Variants in PPP2R2D observed in about 807,000 individuals in gnomAD.
PPP2R2D encodes the protein serine/threonine-protein phosphatase 2A 55 kDa regulatory subunit B delta isoform.
In PPP2R2D, 9 loss-of-function variants were observed where a neutral mutation model predicts 31.1. The ratio of observed to expected loss-of-function variants is 0.29; its 90% CI spans 0.17 to 0.51. The LOEUF (loss-of-function observed/expected upper bound fraction) is 0.51. PPP2R2D is among the 20% of genes least tolerant of loss of function. The pLI, the probability that PPP2R2D is intolerant of heterozygous loss-of-function variation, is 0.98. For missense variants in PPP2R2D, 391 were observed against 465.6 expected (o/e 0.84, Z 1.48); for synonymous variants, 179 against 172.6 (o/e 1.04, Z -0.29).
intron 2 of PPP2R2D, among the ~76,000 whole-genome samples, chr10:131,933,040 A>G (rs2036271270): frequency 6.6e-6 from 1 of 152,226 alleles, no homozygotes; most frequent in Non-Finnish European, 1.5e-5. Context: ...TTTTAATCCA[A>G]TACATAATAT....
At chr10:131,904,219 AGG>A (rs1243570632) in intron 2 of PPP2R2D, among the ~76,000 whole-genome samples, 8 of 137,860 alleles carry the variant, frequency 5.8e-5, no homozygotes, top group South Asian at 2.4e-4. Context: ...AAAAAAAAAA[AGG>A]AGAGAGATGG....
the PPP2R2D span, chr10:131,971,087 G>A: frequency 9.7e-6 from 9 of 926,730 alleles, no homozygotes; most frequent in Non-Finnish European, 1.3e-5. Flanking sequence ...AGAGGCACAT[G>A]TCAGTGCCTC....
chr10:131,960,260 T>C (rs941183782), downstream of PPP2R2D, among the ~76,000 whole-genome samples: 3 of 152,216 alleles, frequency 2.0e-5, no homozygotes, highest in African/African-American at 7.2e-5. Context: ...CTTTCCTGCT[T>C]AAAGTAGAAC....
rs1554898133 is a variant in PPP2R2D at position 131,947,496 on chromosome 10, A to G, written c.821-34A>G. 2 of 1,598,678 alleles carry G rather than the reference A, an allele frequency of 1.3e-6. No individual in the cohort carries two copies. The highest frequency in any genetic ancestry group is 2.7e-5 in the African/African-American group (2 of 74,386). On this transcript the variant is annotated intron_variant, in intron 7 of 8. Coordinates refer to ENST00000455566, the MANE Select transcript of PPP2R2D (RefSeq NM_018461.5). The surrounding 1 kb of genome is among the most constrained non-coding windows in gnomAD (Gnocchi z 4.3). Reference sequence around the variant, plus strand: ...AAATGATTTGTTCTCTGATTTTTAAACAGAAGCTGAAAACATTTTATTTTG... The same window carrying G: ...AAATGATTTGTTCTCTGATTTTTAAGCAGAAGCTGAAAACATTTTATTTTG...
chr10:131,926,336 ACGTGTGTATATGTGTGTGCGTGT>A (rs1169296401), intron 2 of PPP2R2D, among the ~76,000 whole-genome samples: 2 of 152,092 alleles, frequency 1.3e-5, no homozygotes, highest in Admixed American at 1.3e-4. Flanking sequence ...AGACACAGAA[ACGTGTGTATATGTGTGTGCGTGT>A]GCATCTGTGT....
intron 5 of PPP2R2D, chr10:131,940,954 C>T (rs2036431147): frequency 2.9e-6 from 1 of 341,330 alleles, no homozygotes; most frequent in African/African-American, 2.1e-5. Flanking sequence ...AATTCTACAG[C>T]AGAAATCTTT....
chr10:131,917,940 A>G (rs2035851094), intron 2 of PPP2R2D, among the ~76,000 whole-genome samples: 2 of 128,428 alleles, frequency 1.6e-5, no homozygotes, highest in African/African-American at 3.1e-5. Context: ...GGCGGGTGGA[A>G]TGACACAGTG....
At position 131,956,254 on chromosome 10, in the gene PPP2R2D, C is replaced by T; in HGVS notation, c.*291C>T. 7 of 1,106,428 alleles carry T rather than the reference C, an allele frequency of 6.3e-6. No individual in the cohort carries two copies. Among genetic ancestry groups the T allele is most frequent in the Non-Finnish European group, 6.6e-6 (6 of 908,616 alleles). The allele number at this position is 1,106,428 out of a possible 1,614,324, so 68.5% of individuals were successfully genotyped here. A position where few individuals can be genotyped will look rare whatever the true frequency, so the allele number is the denominator to read the frequency against. On this transcript the variant is annotated 3_prime_UTR_variant, in exon 9 of 9. Coordinates refer to ENST00000455566, the MANE Select transcript of PPP2R2D (RefSeq NM_018461.5). ...ATGTATTTATTTCAGTCCGAGCCTT[C>T]CTTTCCAATTTATAGACCAAAAAAT... is the stretch of plus-strand genomic sequence containing the variant.
intron 2 of PPP2R2D, among the ~76,000 whole-genome samples, chr10:131,901,909 T>C (rs932333727): frequency 9.5e-4 from 144 of 152,374 alleles, no homozygotes; most frequent in Non-Finnish European, 1.6e-3. Context: ...TGTGAGGTAC[T>C]GCTACTTTCT....
At position 131,944,159 on chromosome 10, in the gene PPP2R2D, G is replaced by C. The variant is rs781833886; in HGVS notation, c.655+14G>C. 6.2e-7 allele frequency: 1 copy of C among 1,602,144 alleles called. No homozygotes were observed. The highest frequency in any genetic ancestry group is 8.5e-7 in the Non-Finnish European group (1 of 1,174,094). ...ATAGAAGCTTTAGTATCCTTCCTCA[G>C]AGGGACACTGGCGTCTTCCCGAGGG... On this transcript the variant is annotated intron_variant, in intron 6 of 8. Coordinates refer to ENST00000455566, the MANE Select transcript of PPP2R2D (RefSeq NM_018461.5).
At chr10:131,961,230 G>A (rs2036915353), downstream of PPP2R2D, among the ~76,000 whole-genome samples, 1 of 152,316 alleles carries the variant, frequency 6.6e-6, no homozygotes, top group East Asian at 1.9e-4. Context: ...CTTGGGTCCC[G>A]TCCTCCGAGG....
At chr10:131,952,022 C>T (rs35289934) in intron 8 of PPP2R2D, among the ~76,000 whole-genome samples, 22,383 of 148,612 alleles carry the variant, frequency 0.15, 1,857 homozygotes, top group African/African-American at 0.22. Flanking sequence ...CAGTGACTTG[C>T]GGGTGTGCAG....
chr10:131,955,773 G>A lies in PPP2R2D; in HGVS notation c.1172G>A (p.Ser391Asn). 1 of 1,589,878 alleles carries A rather than the reference G, an allele frequency of 6.3e-7. No individual in the cohort carries two copies. Among genetic ancestry groups the A allele is most frequent in the Non-Finnish European group, 8.6e-7 (1 of 1,165,298 alleles). The part of the protein sequence containing the change: ...RDVTLEASRE[S>N]SKPRASLKPR... ...GTGACCCTGGAGGCCTCGAGAGAGA[G>A]CAGCAAACCGCGCGCCAGCCTCAAA... The change falls in exon 9 of 9, where the codon AGC (serine) becomes AAC (asparagine). Residue 391 changes from serine to asparagine, a missense_variant. Ser to Asn is a conservative substitution (Grantham distance 46). Coordinates refer to ENST00000455566, the MANE Select transcript of PPP2R2D (RefSeq NM_018461.5).
chr10:131,920,654 A>C (rs2035968878), intron 2 of PPP2R2D, among the ~76,000 whole-genome samples: 2 of 152,216 alleles, frequency 1.3e-5, no homozygotes, highest in African/African-American at 4.8e-5. Context: ...ATTGCTGGGC[A>C]CAGTATCTCA....
At chr10:131,924,527 T>C (rs965983547) in intron 2 of PPP2R2D, among the ~76,000 whole-genome samples, 1 of 152,198 alleles carries the variant, frequency 6.6e-6, no homozygotes, top group South Asian at 2.1e-4. Context: ...TTGGTCTATA[T>C]GTCTGTCCTC....
rs984459549 is a variant in PPP2R2D, at chr10:131,956,865, G to C, written c.*902G>C. ...AAATTCACTACAGTTGAAGAAATAC[G>C]TGCTTGCTTTCTAAGGCTTTTGAAA... On this transcript the variant is annotated 3_prime_UTR_variant, in exon 9 of 9. Transcript: ENST00000455566. 1 of 152,282 alleles carries C rather than the reference G, an allele frequency of 6.6e-6. No homozygotes were observed. Among genetic ancestry groups the C allele is most frequent in the Non-Finnish European group, 1.5e-5 (1 of 68,106 alleles). 9.4% of individuals were successfully genotyped at this position (152,282 alleles called of 1,614,324 possible). A position where few individuals can be genotyped will look rare whatever the true frequency, so the allele number is the denominator to read the frequency against.
chr10:131,922,454 GT>G (rs11298994), intron 2 of PPP2R2D, among the ~76,000 whole-genome samples: 52,904 of 133,482 alleles, frequency 0.4, 8,625 homozygotes, highest in African/African-American at 0.45. Context: ...TCTGTCAATT[GT>G]TTTTTTTTTT....
intron 2 of PPP2R2D, among the ~76,000 whole-genome samples, chr10:131,917,531 T>C: frequency 8.3e-6 from 1 of 119,854 alleles, no homozygotes; most frequent in African/African-American, 3.3e-5. Context: ...TGTAGGGACC[T>C]CAGGCGGGTG....
chr10:131,908,558 A>G (rs2035634023), intron 2 of PPP2R2D, among the ~76,000 whole-genome samples: 1 of 152,228 alleles, frequency 6.6e-6, no homozygotes, highest in African/African-American at 2.4e-5. Flanking sequence ...TGATATTACC[A>G]GGTGATGGAG....
Sources: allele counts gnomAD v4.1 joint callset (sites outside exome capture counted in the v4.1 genomes callset), GRCh38; gene constraint gnomAD v4.1.1; non-coding constraint Gnocchi (gnomAD v3.1); transcripts MANE v1.5; gene names NCBI Gene and HGNC (gene_info 2026-07-23, HGNC 2026-07-21).